The following GALNT13 variants were observed in gnomAD, a reference collection of about 807,000 sequenced individuals.
The protein encoded by GALNT13 is UDP-GalNAc:polypeptide N-acetylgalactosaminyltransferase 13.
A neutral mutation model predicts 64.2 loss-of-function variants in GALNT13; 28 were observed. That is an observed-to-expected ratio of 0.44 (90% CI 0.32 to 0.60). GALNT13 has a LOEUF of 0.60. Among genes scored for constraint, GALNT13 ranks in the 20% least tolerant of loss-of-function variants. GALNT13 has a pLI of 0.05. For missense variants in GALNT13, 577 were observed against 669.8 expected (o/e 0.86, Z 1.53); for synonymous variants, 214 against 224.6 (o/e 0.95, Z 0.42).
chr2:153,536,958 T>C, the GALNT13 span, among the ~76,000 whole-genome samples: 1 of 152,260 alleles, frequency 6.6e-6, no homozygotes, highest in African/African-American at 2.4e-5. Flanking sequence ...CACATAGTTA[T>C]GTACATTTAG....
the GALNT13 span, among the ~76,000 whole-genome samples, chr2:153,141,080 T>G: frequency 8.8e-6 from 1 of 113,922 alleles, no homozygotes; most frequent in Admixed American, 1.0e-4. Context: ...TCTGTAGATT[T>G]GTTTATTCTT....
chr2:154,085,847 T>G (rs1701493712), intron 3 of GALNT13, among the ~76,000 whole-genome samples: 1 of 152,000 alleles, frequency 6.6e-6, no homozygotes, highest in Non-Finnish European at 1.5e-5. Context: ...GAAGATGGCT[T>G]AAGGCCAGTT....
the GALNT13 span, among the ~76,000 whole-genome samples, chr2:153,233,703 G>A: frequency 6.6e-6 from 1 of 152,106 alleles, no homozygotes; most frequent in Non-Finnish European, 1.5e-5. Flanking sequence ...AAGGCTAAAT[G>A]CCATGTAATA....
chr2:153,130,108 C>G, the GALNT13 span, among the ~76,000 whole-genome samples: 6 of 152,132 alleles, frequency 3.9e-5, no homozygotes, highest in Non-Finnish European at 8.8e-5. Flanking sequence ...CCTGCTAACT[C>G]TCTCTTCAAG....
intron 9 of GALNT13, among the ~76,000 whole-genome samples, chr2:154,350,334 A>T (rs1157699618): frequency 6.6e-6 from 1 of 152,212 alleles, no homozygotes; most frequent in Admixed American, 6.5e-5. Flanking sequence ...AAGCAGGCAG[A>T]AGAACGTGGA....
At chr2:154,147,381 TTATA>T (rs34053196) in intron 4 of GALNT13, among the ~76,000 whole-genome samples, 6 of 144,236 alleles carry the variant, frequency 4.2e-5, no homozygotes, top group Non-Finnish European at 9.1e-5. Context: ...GAATGGAATT[TTATA>T]TATATATATA....
the GALNT13 span, among the ~76,000 whole-genome samples, chr2:153,755,616 T>C: frequency 6.6e-6 from 1 of 152,186 alleles, no homozygotes; most frequent in Admixed American, 6.6e-5. Context: ...CTATAGAGTG[T>C]TTTGAGTTAC....
the GALNT13 span, among the ~76,000 whole-genome samples, chr2:153,547,269 C>T: frequency 6.6e-6 from 1 of 152,158 alleles, no homozygotes; most frequent in Non-Finnish European, 1.5e-5. Flanking sequence ...TGAGAAGATA[C>T]CTTTTTAGCC....
chr2:153,095,071 C>G, the GALNT13 span, among the ~76,000 whole-genome samples: 36,163 of 151,956 alleles, frequency 0.24, 4,908 homozygotes, highest in Non-Finnish European at 0.32. Context: ...TTCTGCACAG[C>G]AAAAGAAACT....
the GALNT13 span, among the ~76,000 whole-genome samples, chr2:153,107,828 G>A: frequency 6.6e-6 from 1 of 152,052 alleles, no homozygotes; most frequent in African/African-American, 2.4e-5. Context: ...AGCCATTTTG[G>A]GATTTAAGGT....
At chr2:154,357,503 C>A (rs1447945152) in intron 9 of GALNT13, among the ~76,000 whole-genome samples, 2 of 151,990 alleles carry the variant, frequency 1.3e-5, no homozygotes, top group African/African-American at 2.4e-5. Context: ...AAAAGGCATG[C>A]AAATTATTTA....
At chr2:154,252,444 C>T (rs918760708) in intron 7 of GALNT13, among the ~76,000 whole-genome samples, 1 of 151,678 alleles carries the variant, frequency 6.6e-6, no homozygotes, top group Non-Finnish European at 1.5e-5. Context: ...GCAAGCTCCG[C>T]CTCCCGGATT....
the GALNT13 span, among the ~76,000 whole-genome samples, chr2:153,523,954 A>G: frequency 1.3e-5 from 2 of 152,108 alleles, no homozygotes; most frequent in Non-Finnish European, 2.9e-5. Flanking sequence ...TTTTAAGTCA[A>G]GTTGAGTTAT....
chr2:153,901,377 A>G (rs1408874210), intron 2 of GALNT13, among the ~76,000 whole-genome samples: 1 of 152,150 alleles, frequency 6.6e-6, no homozygotes, highest in Non-Finnish European at 1.5e-5. Flanking sequence ...TTGCAGTTTG[A>G]TAGGAATAGT....
upstream of GALNT13, among the ~76,000 whole-genome samples, chr2:153,870,967 G>A (rs1176004899): frequency 3.3e-5 from 5 of 152,096 alleles, no homozygotes; most frequent in African/African-American, 1.2e-4. Context: ...GCAGGCACTT[G>A]AACTCGGCAA....
chr2:154,199,616 A>T (rs1194832425), intron 4 of GALNT13, among the ~76,000 whole-genome samples: 1 of 152,052 alleles, frequency 6.6e-6, no homozygotes, highest in Non-Finnish European at 1.5e-5. Context: ...GCTAAACAAG[A>T]TATGTCTCAG....
intron 2 of GALNT13, among the ~76,000 whole-genome samples, chr2:153,928,069 AGG>A (rs1189882684): frequency 6.6e-6 from 1 of 151,978 alleles, no homozygotes; most frequent in Non-Finnish European, 1.5e-5. Flanking sequence ...TTTTGTGTCT[AGG>A]GTTCTGTGCT....
the GALNT13 span, among the ~76,000 whole-genome samples, chr2:153,760,319 T>C: frequency 6.6e-6 from 1 of 151,908 alleles, no homozygotes; most frequent in Non-Finnish European, 1.5e-5. Context: ...CTTCTAACTT[T>C]GGGCTTAATT....
chr2:153,313,849 T>C, the GALNT13 span, among the ~76,000 whole-genome samples: 3 of 152,302 alleles, frequency 2.0e-5, no homozygotes, highest in East Asian at 5.8e-4. Context: ...AGATATAAAC[T>C]TAGAGGCTTA....
Sources: allele counts gnomAD v4.1 joint callset (sites outside exome capture counted in the v4.1 genomes callset), GRCh38; gene constraint gnomAD v4.1.1; transcripts MANE v1.5; gene names NCBI Gene and HGNC (gene_info 2026-07-23, HGNC 2026-07-21).